Variants in SPATA13 observed in about 807,000 individuals in gnomAD.
SPATA13 encodes the protein spermatogenesis-associated protein 13.
A neutral mutation model predicts 104.0 loss-of-function variants in SPATA13; 50 were observed. The ratio of observed to expected loss-of-function variants is 0.48; its 90% CI spans 0.38 to 0.61. SPATA13 has a LOEUF of 0.61. Ranked by LOEUF, SPATA13 falls within the 20% of genes least tolerant of loss-of-function variation. SPATA13 has a pLI of 0.00. For missense variants in SPATA13, 1,524 were observed against 1,690.6 expected (o/e 0.90, Z 1.73); for synonymous variants, 606 against 667.5 (o/e 0.91, Z 1.42).
chr13:24,156,044 A>G (rs1882248233), upstream of SPATA13, among the ~76,000 whole-genome samples: 1 of 152,126 alleles, frequency 6.6e-6, no homozygotes, highest in Non-Finnish European at 1.5e-5. Flanking sequence ...GTGATATTCC[A>G]TTGTATGTAT....
rs138101087 is a variant in SPATA13 at position 23,985,164 on chromosome 13, G to A, written c.-147+1231G>A. Reference sequence around the variant, plus strand: ...GCATAGTGAAATGCCCTTTCTTCCCGTCTGCTACCGAAGATGGCAATGACG... The same window carrying A: ...GCATAGTGAAATGCCCTTTCTTCCCATCTGCTACCGAAGATGGCAATGACG... On this transcript the variant is annotated intron_variant, in intron 2 of 14. Coordinates refer to the SPATA13 transcript ENST00000424834. Among the ~76,000 whole-genome samples, 1,245 of 152,278 alleles carry A rather than the reference G, an allele frequency of 8.2e-3. 18 individuals carry two copies. Among genetic ancestry groups the A allele is most frequent in the African/African-American group, 0.027 (1,108 of 41,552 alleles).
chr13:24,132,953 G>A (rs1377021327), intron 3 of SPATA13, among the ~76,000 whole-genome samples: 1 of 124,856 alleles, frequency 8.0e-6, no homozygotes, highest in East Asian at 2.2e-4. Flanking sequence ...TCCAGCCTGG[G>A]CAACAGAGTG....
rs149791031 is a variant in SPATA13 at position 24,154,529 on chromosome 13, G to A, written c.-111-68290G>A. Among the ~76,000 whole-genome samples, 11 of 152,260 alleles carry A rather than the reference G, an allele frequency of 7.2e-5. 1 individual carries two copies. The highest frequency in any genetic ancestry group is 2.1e-4 in the South Asian group (1 of 4,830). On this transcript the variant is annotated intron_variant, in intron 3 of 14. Coordinates refer to the SPATA13 transcript ENST00000424834. ...TTGGGGTACTGGGCATTGCTAACGG[G>A]GGGGAGGGGCACATAAGGGAGTCTT...
chr13:24,079,980 T>G (rs1439507935), intron 3 of SPATA13, among the ~76,000 whole-genome samples: 2 of 152,236 alleles, frequency 1.3e-5, no homozygotes, highest in East Asian at 3.8e-4. Context: ...TGCTTAGGAA[T>G]TGATTTGTAG....
Position 24,304,707 on chromosome 13 carries a change from G to A in SPATA13, c.*1934G>A, listed in dbSNP as rs934162774. ...AGCCACCTTGGCACACATGCTTACA[G>A]GCAGCACTGCTAAGGGTTCAGGTGC... On this transcript the variant is annotated 3_prime_UTR_variant, in exon 13 of 13. Coordinates refer to ENST00000382108, the MANE Select transcript of SPATA13 (RefSeq NM_001166271.3). The A allele has an allele frequency of 6.6e-5, 10 of 152,216 alleles. No individual in the cohort carries two copies. Among genetic ancestry groups the A allele is most frequent in the Admixed American group, 5.2e-4 (8 of 15,280 alleles). The allele number at this position is 152,216 out of a possible 1,614,324, so 9.4% of individuals were successfully genotyped here.
At chr13:24,077,231 C>T (rs961397701) in intron 3 of SPATA13, among the ~76,000 whole-genome samples, 2 of 146,682 alleles carry the variant, frequency 1.4e-5, no homozygotes, top group Non-Finnish European at 3.0e-5. Context: ...AGAAATAGCC[C>T]CAGTCCTGGC....
At chr13:24,108,386 T>C (rs182340427) in intron 3 of SPATA13, among the ~76,000 whole-genome samples, 130 of 152,298 alleles carry the variant, frequency 8.5e-4, no homozygotes, top group African/African-American at 3.1e-3. Context: ...ACTTAACCCC[T>C]AGTGGGACGT....
At chr13:24,197,381 ATC>A (rs1282298350) in intron 1 of SPATA13, among the ~76,000 whole-genome samples, 2 of 152,204 alleles carry the variant, frequency 1.3e-5, no homozygotes, top group African/African-American at 4.8e-5. Flanking sequence ...AAACGTAACT[ATC>A]TCTTAAATGT....
At chr13:24,238,838 C>G (rs1243172014) in intron 2 of SPATA13, among the ~76,000 whole-genome samples, 1 of 152,154 alleles carries the variant, frequency 6.6e-6, no homozygotes, top group East Asian at 1.9e-4. Context: ...TTGAGTTAAA[C>G]CTACTGGAAA....
At chr13:24,006,734 G>C (rs1292401760) in intron 2 of SPATA13, among the ~76,000 whole-genome samples, 1 of 152,192 alleles carries the variant, frequency 6.6e-6, no homozygotes, top group Non-Finnish European at 1.5e-5. Flanking sequence ...ACATGGTGGA[G>C]CTGGGAGAGC....
rs527467785 is a variant in SPATA13 at position 24,267,794 on chromosome 13, A to G, written c.2164+15932A>G. Among the ~76,000 whole-genome samples the G allele has an allele frequency of 5.3e-5, 8 of 152,346 alleles. No homozygotes were observed. In the South Asian group the frequency reaches 1.4e-3, roughly 28 times the overall value. On this transcript the variant is annotated intron_variant, in intron 4 of 12. Transcript: ENST00000382108. ...AAACTCAAGCCCACCCATTCATTCC[A>G]TGGTCTTCACTAGTTAGAAAAGATA...
intron 1 of SPATA13, among the ~76,000 whole-genome samples, chr13:24,168,104 G>A (rs535446388): frequency 6.6e-6 from 1 of 152,234 alleles, no homozygotes; most frequent in East Asian, 1.9e-4. Context: ...TGAGCCTTCT[G>A]TGAACCCTGC....
At chr13:24,254,093 T>C (rs1873655208) in intron 4 of SPATA13, among the ~76,000 whole-genome samples, 1 of 152,124 alleles carries the variant, frequency 6.6e-6, no homozygotes, top group Non-Finnish European at 1.5e-5. Context: ...TTGAGAAATA[T>C]GGTAGCAGTG....
intron 1 of SPATA13, among the ~76,000 whole-genome samples, chr13:24,173,683 T>G (rs112529040): frequency 0.017 from 2,624 of 152,266 alleles, 40 homozygotes; most frequent in Non-Finnish European, 0.026. Flanking sequence ...GTGTTGAATT[T>G]CATCAAATGC....
chr13:24,064,392 G>A (rs986543521), intron 3 of SPATA13, among the ~76,000 whole-genome samples: 2 of 152,158 alleles, frequency 1.3e-5, no homozygotes, highest in African/African-American at 4.8e-5. Flanking sequence ...TGGACTAAAT[G>A]TTTTTGTCTC....
intron 4 of SPATA13, among the ~76,000 whole-genome samples, chr13:24,269,741 ATTTTTTTTTTTTTT>A (rs71070673): frequency 2.6e-5 from 2 of 75,912 alleles, no homozygotes; most frequent in Non-Finnish European, 4.5e-5. Context: ...GCTAATATAA[ATTTTTTTTTTTTTT>A]TTTTTTTTTT....
intron 2 of SPATA13, among the ~76,000 whole-genome samples, chr13:24,249,250 T>C (rs1316094167): frequency 1.3e-5 from 2 of 152,212 alleles, no homozygotes; most frequent in African/African-American, 4.8e-5. Context: ...TATTGAAATA[T>C]CAGCCTAGAA....
chr13:24,059,798 A>G (rs1024402182), intron 3 of SPATA13, among the ~76,000 whole-genome samples: 1 of 152,148 alleles, frequency 6.6e-6, no homozygotes, highest in East Asian at 1.9e-4. Context: ...GCATACAGAG[A>G]TAGTTTAACT....
intron 1 of SPATA13, among the ~76,000 whole-genome samples, chr13:23,982,710 A>G (rs1874958771): frequency 6.6e-6 from 1 of 152,254 alleles, no homozygotes; most frequent in Middle Eastern, 3.2e-3. Context: ...TCAGGAATTC[A>G]CATCACCATT....
Sources: allele counts gnomAD v4.1 joint callset (sites outside exome capture counted in the v4.1 genomes callset), GRCh38; gene constraint gnomAD v4.1.1; transcripts MANE v1.5; gene names NCBI Gene and HGNC (gene_info 2026-07-23, HGNC 2026-07-21).